The following KLF13 variants were observed in gnomAD, a reference collection of about 807,000 sequenced individuals.
The protein encoded by KLF13 is Krueppel-like factor 13.
In KLF13, 8 loss-of-function variants were observed where a neutral mutation model predicts 16.7. The observed-to-expected ratio is 0.48, with a 90% CI of 0.28 to 0.87. The LOEUF (loss-of-function observed/expected upper bound fraction) is 0.87. Among genes scored for constraint, KLF13 ranks in the 40% least tolerant of loss-of-function variants. KLF13 has a pLI of 0.10. For synonymous variants in KLF13, 245 were observed against 208.4 expected (o/e 1.18, Z -1.51); for missense variants, 447 against 452.2 (o/e 0.99, Z 0.10).
At chr15:31,429,828 G>A (rs1049354003) in intron 1 of KLF13, among the ~76,000 whole-genome samples, 2 of 151,942 alleles carry the variant, frequency 1.3e-5, no homozygotes, top group African/African-American at 4.8e-5. Flanking sequence ...CCGCCTCCCA[G>A]GTTCACACCA....
In KLF13 at chr15:31,374,097, C is replaced by T. The variant is rs2039604019; in HGVS notation, c.*1798C>T. The stretch of plus-strand genomic sequence containing the variant: ...GTGCAGCACAAACCCAGGACCCAGG[C>T]CTAGCCACTGCCCACAGCTGATGGT... On this transcript the variant is annotated 3_prime_UTR_variant, in exon 2 of 2. Transcript: ENST00000307145. The T allele has an allele frequency of 2.0e-5, 3 of 152,866 alleles. No individual in the cohort carries two copies. The highest frequency in any genetic ancestry group is 2.0e-4 in the Admixed American group (3 of 15,300). 9.5% of individuals were successfully genotyped at this position (152,866 alleles called of 1,614,324 possible). A position where few individuals can be genotyped will look rare whatever the true frequency, so the allele number is the denominator to read the frequency against.
At chr15:31,343,312 T>C (rs1352475950) in intron 1 of KLF13, among the ~76,000 whole-genome samples, 2 of 152,242 alleles carry the variant, frequency 1.3e-5, no homozygotes, top group African/African-American at 4.8e-5. Flanking sequence ...GGCAGTTGCC[T>C]TCGGGATTTC....
At position 31,383,007 on chromosome 15, in the gene KLF13, T is replaced by C. The variant is rs532082158; in HGVS notation, n.224-52363T>C. Among the ~76,000 whole-genome samples the C allele has an allele frequency of 5.3e-5, 8 of 152,330 alleles. No individual in the cohort carries two copies. In the East Asian group the frequency reaches 1.5e-3, roughly 29 times the overall value. On this transcript the variant is annotated intron_variant and non_coding_transcript_variant, in intron 1 of 1. Transcript: ENST00000558921. ...TCCCAACCTCACAATTAGGTAATCA[T>C]TTACTTATGAATGGGCCAGGGGACC...
At chr15:31,390,808 C>T (rs1173007761), upstream of KLF13, among the ~76,000 whole-genome samples, 1 of 152,008 alleles carries the variant, frequency 6.6e-6, no homozygotes, top group South Asian at 2.1e-4. Context: ...CTGTGTTCGG[C>T]ATTATCCCTG....
At chr15:31,353,502 C>T (rs974050935) in intron 1 of KLF13, among the ~76,000 whole-genome samples, 4 of 152,226 alleles carry the variant, frequency 2.6e-5, no homozygotes, top group Admixed American at 1.3e-4. Flanking sequence ...GCTTGGGCTG[C>T]TTCCAGATCT....
intron 1 of KLF13, among the ~76,000 whole-genome samples, chr15:31,342,733 C>T (rs1351275340): frequency 2.0e-5 from 3 of 152,184 alleles, no homozygotes; most frequent in Admixed American, 6.5e-5. Context: ...TTTTTTGGGG[C>T]AGCAGTTCTA....
At chr15:31,403,728 C>T (rs2040073482) in exon 3 of KLF13, 1 of 152,258 alleles carries the variant, frequency 6.6e-6, no homozygotes. Flanking sequence ...TCTAGACTTC[C>T]TGCCTCCCAC....
intron 1 of KLF13, among the ~76,000 whole-genome samples, chr15:31,418,839 G>A (rs556075934): frequency 1.3e-5 from 2 of 152,252 alleles, no homozygotes; most frequent in African/African-American, 4.8e-5. Flanking sequence ...GTTTGGTGTG[G>A]TGGCTCACAT....
chr15:31,420,501 T>G, intron 1 of KLF13: 1 of 643,936 alleles, frequency 1.6e-6, no homozygotes, highest in East Asian at 4.0e-5. Context: ...TCGTCTGTAC[T>G]GTATGGCATC....
chr15:31,335,155 T>C (rs927505177), intron 1 of KLF13, among the ~76,000 whole-genome samples: 11 of 152,010 alleles, frequency 7.2e-5, no homozygotes, highest in Admixed American at 4.6e-4. Flanking sequence ...TGGAACATAG[T>C]GGCTATGTGG....
rs2140937977 is a variant in KLF13, at chr15:31,340,008, C to T, written c.577+12219C>T. 7.1e-6 allele frequency: 5 copies of T among 702,384 alleles called. No homozygotes were observed. In the East Asian group the frequency reaches 1.3e-4, roughly 19 times the overall value. 43.5% of individuals were successfully genotyped at this position (702,384 alleles called of 1,614,324 possible). ...GCCAGGTGAGGATCCAGGGAAGTGGCTTTGTTTATTTTACTGTCAGTAGGG... is the reference window on the plus strand; with the variant it reads ...GCCAGGTGAGGATCCAGGGAAGTGGTTTTGTTTATTTTACTGTCAGTAGGG... On this transcript the variant is annotated intron_variant, in intron 1 of 1. Coordinates refer to ENST00000307145, the MANE Select transcript of KLF13 (RefSeq NM_015995.4).
At chr15:31,355,744 C>T (rs1330447749) in intron 1 of KLF13, among the ~76,000 whole-genome samples, 2 of 152,066 alleles carry the variant, frequency 1.3e-5, no homozygotes, top group East Asian at 3.9e-4. Context: ...TTGCAGGTGA[C>T]CCATACATTA....
intron 1 of KLF13, among the ~76,000 whole-genome samples, chr15:31,330,104 C>T (rs757179543): frequency 1.2e-4 from 18 of 152,164 alleles, no homozygotes; most frequent in Non-Finnish European, 2.2e-4. Flanking sequence ...ACTGGTGTTC[C>T]TCAAGGGAGA....
rs189017290 is a variant in KLF13, at chr15:31,399,645, C to T, written n.530-3783C>T. ...TGCTGAAACCTGCACTAACCTCCGCCTCGTGGCTGGGTGCGGGACAAGGGG... is the reference window on the plus strand; with the variant it reads ...TGCTGAAACCTGCACTAACCTCCGCTTCGTGGCTGGGTGCGGGACAAGGGG... On this transcript the variant is annotated intron_variant and non_coding_transcript_variant, in intron 2 of 2. Coordinates refer to the KLF13 transcript ENST00000500533. Among the ~76,000 whole-genome samples, 223 of 152,364 alleles carry T rather than the reference C, an allele frequency of 1.5e-3. 1 individual carries two copies. Among genetic ancestry groups the T allele is most frequent in the African/African-American group, 5.0e-3 (208 of 41,592 alleles).
chr15:31,339,934 C>T (rs766289375), intron 1 of KLF13: 1 of 702,354 alleles, frequency 1.4e-6, no homozygotes, highest in East Asian at 2.7e-5. Flanking sequence ...CTTCCCTGCT[C>T]TGCCCACCCA....
intron 1 of KLF13, among the ~76,000 whole-genome samples, chr15:31,361,818 A>T (rs1250856985): frequency 1.3e-5 from 1 of 77,400 alleles, no homozygotes; most frequent in African/African-American, 5.1e-5. Context: ...GGTGCCCCCC[A>T]CCCCCCACCC....
chr15:31,391,504 T>C (rs1156513255), upstream of KLF13, among the ~76,000 whole-genome samples: 2 of 151,138 alleles, frequency 1.3e-5, no homozygotes, highest in Non-Finnish European at 3.0e-5. Flanking sequence ...ATTTTAACAA[T>C]GGGGGCCCTG....
At chr15:31,371,725 G>T (rs141536359) in intron 1 of KLF13, among the ~76,000 whole-genome samples, 1,932 of 152,338 alleles carry the variant, frequency 0.013, 19 homozygotes, top group Non-Finnish European at 0.018. Flanking sequence ...ACTGCCAGGA[G>T]CCTGGGGCCC....
chr15:31,392,585 C>T (rs1039718631), upstream of KLF13, among the ~76,000 whole-genome samples: 7 of 152,230 alleles, frequency 4.6e-5, no homozygotes, highest in Non-Finnish European at 8.8e-5. Flanking sequence ...AGGGTGTCCA[C>T]GGGACTCGGC....
Sources: allele counts gnomAD v4.1 joint callset (sites outside exome capture counted in the v4.1 genomes callset), GRCh38; gene constraint gnomAD v4.1.1; transcripts MANE v1.5; gene names NCBI Gene and HGNC (gene_info 2026-07-23, HGNC 2026-07-21).